The following SLC4A10 variants were observed in gnomAD, a reference collection of about 807,000 sequenced individuals.
The protein encoded by SLC4A10 is solute carrier family 4 member 10.
SLC4A10 carries 42 observed loss-of-function variants against 137.7 expected under a neutral mutation model. The ratio of observed to expected loss-of-function variants is 0.30; its 90% CI spans 0.24 to 0.39. SLC4A10 has a LOEUF of 0.39. Among genes scored for constraint, SLC4A10 ranks in the 10% least tolerant of loss-of-function variants. The probability of loss-of-function intolerance (pLI) is 1.00; values close to 1 mark genes in which losing one functional copy is unlikely to be tolerated. For missense variants in SLC4A10, 925 were observed against 1,355.0 expected (o/e 0.68, Z 4.98); for synonymous variants, 474 against 464.1 (o/e 1.02, Z -0.27).
chr2:161,882,172 G>T (rs1009013374), intron 9 of SLC4A10, among the ~76,000 whole-genome samples, 185 bp from the exon 10 acceptor site: 2 of 150,936 alleles, frequency 1.3e-5, no homozygotes, highest in Non-Finnish European at 3.0e-5. Context: ...ATTGCTTGAG[G>T]ATCTTAAGCA....
chr2:161,834,641 G>C (rs1320701844), intron 3 of SLC4A10, among the ~76,000 whole-genome samples: 2 of 138,998 alleles, frequency 1.4e-5, no homozygotes, highest in Non-Finnish European at 3.1e-5. Context: ...GAAACATCAG[G>C]GAAAGATCCT....
At chr2:161,922,624 G>T (rs1688340357) in intron 15 of SLC4A10, among the ~76,000 whole-genome samples, 1 of 152,058 alleles carries the variant, frequency 6.6e-6, no homozygotes, top group African/African-American at 2.4e-5. Context: ...AAAACATGTT[G>T]AAAATATACA....
chr2:161,965,234 CA>C (rs1243749531), intron 23 of SLC4A10, 61 bp downstream of exon 23: 75 of 1,493,856 alleles, frequency 5.0e-5, no homozygotes, highest in Non-Finnish European at 6.3e-5. Flanking sequence ...TATTTCTTTG[CA>C]AAACTAAATT....
intron 15 of SLC4A10, among the ~76,000 whole-genome samples, chr2:161,909,130 C>T (rs563030794): frequency 2.0e-5 from 3 of 149,056 alleles, no homozygotes; most frequent in Non-Finnish European, 3.0e-5. Flanking sequence ...ATACCTAATG[C>T]TAAATGATGA....
At chr2:161,689,435 C>G (rs2041765926) in intron 1 of SLC4A10, among the ~76,000 whole-genome samples, 1 of 152,142 alleles carries the variant, frequency 6.6e-6, no homozygotes, top group South Asian at 2.1e-4. Context: ...CATTGTATTA[C>G]AATTGCATAC....
intron 1 of SLC4A10, among the ~76,000 whole-genome samples, chr2:161,745,809 C>T (rs750467344): frequency 2.6e-5 from 4 of 152,108 alleles, no homozygotes; most frequent in Non-Finnish European, 4.4e-5. Context: ...CTTGGTAACA[C>T]GGTGGCTCTT....
At position 161,926,231 on chromosome 2, in the gene SLC4A10, T is replaced by TG. The variant is rs1283544801; in HGVS notation, c.1998-16560dup. Among the ~76,000 whole-genome samples the TG allele has an allele frequency of 2.0e-5, 3 of 150,512 alleles. No individual in the cohort carries two copies. The Admixed American group carries it at 2.0e-4, about 10-fold the overall frequency. On this transcript the variant is annotated intron_variant, in intron 15 of 26. Coordinates refer to ENST00000446997, the MANE Select transcript of SLC4A10 (RefSeq NM_001178015.2). The stretch of plus-strand genomic sequence containing the variant: ...TCAGGACTTGCTTTATGAATCTGGG[T>TG]GCTCCTGTATTAGATACATATATAT...
chr2:161,826,962 A>G (rs1435334391), intron 3 of SLC4A10, among the ~76,000 whole-genome samples: 1 of 152,136 alleles, frequency 6.6e-6, no homozygotes, highest in Non-Finnish European at 1.5e-5. Context: ...GTTCCTGGTT[A>G]TACTACTCTC....
intron 1 of SLC4A10, among the ~76,000 whole-genome samples, chr2:161,693,182 T>C (rs1165864138): frequency 1.3e-5 from 2 of 152,076 alleles, no homozygotes; most frequent in African/African-American, 2.4e-5. Context: ...TTTCAAAACT[T>C]TAAAGGGAAA....
At chr2:161,743,884 A>C (rs2048159681) in intron 1 of SLC4A10, among the ~76,000 whole-genome samples, 1 of 151,828 alleles carries the variant, frequency 6.6e-6, no homozygotes, top group Non-Finnish European at 1.5e-5. Context: ...TTGATATTTT[A>C]TTTGTAGCTA....
chr2:161,659,933 A>G (rs6750881), intron 1 of SLC4A10, among the ~76,000 whole-genome samples: 132,499 of 152,070 alleles, frequency 0.87, 58,350 homozygotes, highest in East Asian at 1. Flanking sequence ...TTCAATTTAT[A>G]TGAAATGTCC....
chr2:161,698,776 G>T (rs887134448), intron 1 of SLC4A10, among the ~76,000 whole-genome samples: 1 of 151,956 alleles, frequency 6.6e-6, no homozygotes, highest in African/African-American at 2.4e-5. Context: ...CTCTTTTTTT[G>T]TTGTGTCTCT....
chr2:161,633,238 A>G (rs2033875980), intron 1 of SLC4A10, among the ~76,000 whole-genome samples: 2 of 151,766 alleles, frequency 1.3e-5, no homozygotes, highest in African/African-American at 4.8e-5. Flanking sequence ...AGAAGCATCC[A>G]TATGTGAATT....
chr2:161,888,158 C>G (rs558007937), intron 10 of SLC4A10, among the ~76,000 whole-genome samples: 2 of 152,024 alleles, frequency 1.3e-5, no homozygotes, highest in Admixed American at 6.6e-5. Context: ...TTCCATTGGT[C>G]TAAATATTGG....
chr2:161,770,138 T>C (rs1334323438), intron 1 of SLC4A10, among the ~76,000 whole-genome samples: 1 of 151,900 alleles, frequency 6.6e-6, no homozygotes, highest in Non-Finnish European at 1.5e-5. Flanking sequence ...GTGCTCAGTG[T>C]TCACTTTTAA....
At chr2:161,687,163 G>A (rs932940895) in intron 1 of SLC4A10, among the ~76,000 whole-genome samples, 2 of 152,030 alleles carry the variant, frequency 1.3e-5, no homozygotes, top group South Asian at 2.1e-4. Flanking sequence ...ATGGGCCACC[G>A]CCCCCAGCCT....
At chr2:161,828,767 C>CATATATATATATATAT (rs58808663) in intron 3 of SLC4A10, among the ~76,000 whole-genome samples, 16 of 42,082 alleles carry the variant, frequency 3.8e-4, no homozygotes, top group South Asian at 1.1e-3. Context: ...AATTCTAATT[C>CATATATATATATATAT]ATATATATAT....
At chr2:161,765,199 A>G (rs577107543) in intron 1 of SLC4A10, among the ~76,000 whole-genome samples, 10 of 152,290 alleles carry the variant, frequency 6.6e-5, no homozygotes, top group African/African-American at 2.2e-4. Context: ...TTACACATAT[A>G]TAAGTATGTG....
intron 1 of SLC4A10, among the ~76,000 whole-genome samples, chr2:161,644,281 G>A (rs1227084518): frequency 2.0e-5 from 3 of 152,196 alleles, no homozygotes; most frequent in Admixed American, 6.5e-5. Flanking sequence ...AAGATCGCTT[G>A]AGTTCAGGAG....
Sources: gnomAD v4.1 joint callset for allele counts (sites outside exome capture counted in the v4.1 genomes callset) on GRCh38, gnomAD v4.1.1 for gene constraint, MANE v1.5 for transcripts, NCBI Gene and HGNC (gene_info 2026-07-23, HGNC 2026-07-21) for gene names.